YAF2: variants seen among roughly 807,000 people sequenced by gnomAD.
YAF2 encodes the protein YY1 associated factor 2.
YAF2 carries 7 observed loss-of-function variants against 20.1 expected under a neutral mutation model. The ratio of observed to expected loss-of-function variants is 0.35; its 90% CI spans 0.20 to 0.65. YAF2 has a LOEUF of 0.65. Among genes scored for constraint, YAF2 ranks in the 30% least tolerant of loss-of-function variants. YAF2 has a pLI of 0.69. For synonymous variants in YAF2, 74 were observed against 76.0 expected (o/e 0.97, Z 0.14); for missense variants, 151 against 219.2 (o/e 0.69, Z 1.96).
At chr12:42,172,934 C>A (rs2137004874) in intron 2 of YAF2, among the ~76,000 whole-genome samples, 1 of 152,098 alleles carries the variant, frequency 6.6e-6, no homozygotes. Context: ...ATAAAATGTC[C>A]AAAATAGGCA....
intron 2 of YAF2, among the ~76,000 whole-genome samples, chr12:42,221,315 G>C (rs974072768): frequency 7.2e-5 from 11 of 152,168 alleles, no homozygotes; most frequent in African/African-American, 1.9e-4. Context: ...GCTCACACCT[G>C]TAATCTCAAT....
intron 2 of YAF2, among the ~76,000 whole-genome samples, chr12:42,174,429 T>C (rs922500466): frequency 1.2e-4 from 19 of 152,206 alleles, no homozygotes; most frequent in African/African-American, 4.3e-4. Context: ...ATTTCTCTCC[T>C]GCCTCACTGG....
intron 2 of YAF2, among the ~76,000 whole-genome samples, chr12:42,189,566 A>G (rs2066560636): frequency 6.6e-6 from 1 of 152,234 alleles, no homozygotes; most frequent in African/African-American, 2.4e-5. Context: ...AAAGTTTGCC[A>G]GTTAGACTTG....
chr12:42,180,220 C>A, intron 2 of YAF2, among the ~76,000 whole-genome samples: 1 of 152,124 alleles, frequency 6.6e-6, no homozygotes, highest in East Asian at 1.9e-4. Flanking sequence ...CAGCAAAAAC[C>A]GATTGGATGT....
chr12:42,197,675 C>T (rs866085657), intron 2 of YAF2, among the ~76,000 whole-genome samples: 19 of 152,068 alleles, frequency 1.2e-4, no homozygotes, highest in South Asian at 1.0e-3. Context: ...AGAAATTAAA[C>T]AATAATCAAC....
chr12:42,234,046 C>A, intron 2 of YAF2: 1 of 632,080 alleles, frequency 1.6e-6, no homozygotes, highest in Non-Finnish European at 2.0e-6. Flanking sequence ...TGGCGGGCAC[C>A]TGTAATCCCA....
intron 2 of YAF2, among the ~76,000 whole-genome samples, chr12:42,163,336 T>C (rs552740202): frequency 7.2e-5 from 11 of 152,320 alleles, no homozygotes; most frequent in African/African-American, 2.6e-4. Flanking sequence ...TAAGTGATGA[T>C]AAGTCACTGA....
chr12:42,181,768 G>A (rs929473665), intron 2 of YAF2, among the ~76,000 whole-genome samples: 2 of 152,232 alleles, frequency 1.3e-5, no homozygotes, highest in African/African-American at 2.4e-5. Flanking sequence ...TCAATGGAAT[G>A]TGGAATGTCA....
At chr12:42,233,736 C>T (rs779927478) in intron 2 of YAF2, 236 of 970,990 alleles carry the variant, frequency 2.4e-4, no homozygotes, top group Non-Finnish European at 2.8e-4. Context: ...TGGTCTCAAA[C>T]TCCTGGCCTC....
At chr12:42,195,788 T>C (rs1036992648) in intron 2 of YAF2, among the ~76,000 whole-genome samples, 12 of 152,124 alleles carry the variant, frequency 7.9e-5, no homozygotes, top group African/African-American at 2.7e-4. Context: ...GCTATGGAAA[T>C]ACAGAGGATG....
intron 2 of YAF2, among the ~76,000 whole-genome samples, chr12:42,214,348 T>A (rs926507366): frequency 5.9e-5 from 9 of 152,208 alleles, no homozygotes; most frequent in Non-Finnish European, 1.2e-4. Flanking sequence ...CTCAGCTCAC[T>A]GCAACCTCCC....
intron 2 of YAF2, chr12:42,232,882 A>G (rs772983777): frequency 1.3e-5 from 13 of 985,212 alleles, no homozygotes; most frequent in African/African-American, 3.5e-5. Flanking sequence ...TAAACAACAT[A>G]TATTTTTAAT....
intron 2 of YAF2, among the ~76,000 whole-genome samples, chr12:42,196,489 G>T (rs2066756859): frequency 6.6e-6 from 1 of 152,100 alleles, no homozygotes; most frequent in African/African-American, 2.4e-5. Flanking sequence ...TATACCAGAA[G>T]TTTCATAATA....
At chr12:42,185,570 A>G (rs2066451970) in intron 2 of YAF2, among the ~76,000 whole-genome samples, 1 of 152,192 alleles carries the variant, frequency 6.6e-6, no homozygotes, top group Non-Finnish European at 1.5e-5. Flanking sequence ...AAAAATTGCT[A>G]CAGCCACCCC....
chr12:42,234,795 C>G lies in YAF2; in HGVS notation c.152+2804G>C, dbSNP rs1037874195. 4.7e-6 allele frequency: 4 copies of G among 855,102 alleles called. No homozygotes were observed. The African/African-American group carries it at 7.3e-5, about 16-fold the overall frequency. The allele number at this position is 855,102 out of a possible 1,614,324, so 53.0% of individuals were successfully genotyped here. On this transcript the variant is annotated intron_variant, in intron 2 of 3. Transcript: ENST00000534854. ...TTGAGCTCAAGAGTTTGAGACTAGC[C>G]TAGGCAACATAGAGATCCCCCATCT...
intron 2 of YAF2, among the ~76,000 whole-genome samples, chr12:42,214,435 C>A (rs767786053): frequency 1.3e-5 from 2 of 152,062 alleles, no homozygotes; most frequent in Admixed American, 6.6e-5. Flanking sequence ...CCATGCCCGG[C>A]TAATTTTTAT....
chr12:42,235,652 G>A (rs946942128), intron 2 of YAF2: 1 of 1,518,506 alleles, frequency 6.6e-7, no homozygotes, highest in Admixed American at 2.1e-5. Context: ...CTGGTGAGTT[G>A]CCCAGAGCCT....
chr12:42,179,192 G>T (rs1046480877), intron 2 of YAF2, among the ~76,000 whole-genome samples: 1 of 152,216 alleles, frequency 6.6e-6, no homozygotes, highest in Non-Finnish European at 1.5e-5. Flanking sequence ...CAGTGAGGCT[G>T]GGTGCATTGG....
At chr12:42,206,005 TA>T (rs2067030086) in intron 2 of YAF2, 3 of 246,604 alleles carry the variant, frequency 1.2e-5, no homozygotes, top group African/African-American at 2.3e-5. Context: ...AAACTCCAAT[TA>T]GACCTATATT....
Sources: gnomAD v4.1 joint callset for allele counts (sites outside exome capture counted in the v4.1 genomes callset) on GRCh38, gnomAD v4.1.1 for gene constraint, MANE v1.5 for transcripts, NCBI Gene and HGNC (gene_info 2026-07-23, HGNC 2026-07-21) for gene names.